The following PARVA variants were observed in gnomAD, a reference collection of about 807,000 sequenced individuals.
PARVA encodes parvin alpha.
In PARVA, 25 loss-of-function variants were observed where a neutral mutation model predicts 52.6. The ratio of observed to expected loss-of-function variants is 0.48; its 90% CI spans 0.35 to 0.66. The LOEUF is 0.66. Among genes scored for constraint, PARVA ranks in the 30% least tolerant of loss-of-function variants. The pLI is 0.01. For missense variants in PARVA, 373 were observed against 450.9 expected, an observed-to-expected ratio of 0.83 and a Z score of 1.56; for synonymous variants, 185 against 179.1, an observed-to-expected ratio of 1.03 and a Z score of -0.26.
chr11:12,516,508 G>A (rs556530315), intron 10 of PARVA, among the ~76,000 whole-genome samples: 1 of 152,150 alleles, frequency 6.6e-6, no homozygotes, highest in East Asian at 1.9e-4. Flanking sequence ...AAGACCAGCA[G>A]CCTCCGCACT....
chr11:12,506,929 C>T (rs4592400), intron 6 of PARVA, among the ~76,000 whole-genome samples: 141,237 of 152,216 alleles, frequency 0.93, 66,153 homozygotes, highest in Non-Finnish European at 0.99. Flanking sequence ...TGAGGTTTTA[C>T]GTCTATGAAT....
chr11:12,526,809 G>A (rs1291981254), intron 12 of PARVA, among the ~76,000 whole-genome samples: 2 of 151,994 alleles, frequency 1.3e-5, no homozygotes, highest in Non-Finnish European at 2.9e-5. Context: ...TCAAAGGTTG[G>A]CTTTCTAGGA....
chr11:12,443,859 G>T (rs1230988109), intron 1 of PARVA, among the ~76,000 whole-genome samples: 1 of 152,132 alleles, frequency 6.6e-6, no homozygotes, highest in African/African-American at 2.4e-5. Context: ...CAAGTTCTAG[G>T]TTGAGCCCTG....
At chr11:12,492,645 A>T (rs906630271) in intron 4 of PARVA, among the ~76,000 whole-genome samples, 2 of 152,210 alleles carry the variant, frequency 1.3e-5, no homozygotes, top group African/African-American at 4.8e-5. Flanking sequence ...AAAATGTTAG[A>T]AAATTAAAAT....
intron 1 of PARVA, among the ~76,000 whole-genome samples, chr11:12,402,581 C>T (rs1032105707): frequency 6.6e-6 from 1 of 152,118 alleles, no homozygotes; most frequent in African/African-American, 2.4e-5. Flanking sequence ...CTTTTTCTGT[C>T]TTGGTAAAGG....
intron 1 of PARVA, among the ~76,000 whole-genome samples, chr11:12,444,373 C>A (rs1022443658): frequency 6.6e-6 from 1 of 152,146 alleles, no homozygotes; most frequent in Non-Finnish European, 1.5e-5. Flanking sequence ...ACAATTAATA[C>A]TCACTAATTC....
At chr11:12,460,836 G>A (rs1379412118) in intron 1 of PARVA, among the ~76,000 whole-genome samples, 1 of 152,192 alleles carries the variant, frequency 6.6e-6, no homozygotes, top group Non-Finnish European at 1.5e-5. Context: ...GGTGATGCAT[G>A]AAGACGAAGG....
At position 12,533,892 on chromosome 11, in the gene PARVA, A is replaced by G. The variant is rs575507523; in HGVS notation, c.*5967A>G. Among the ~76,000 whole-genome samples, 61 of 151,978 alleles carry G rather than the reference A, an allele frequency of 4.0e-4. No individual in the cohort carries two copies. Among genetic ancestry groups the G allele is most frequent in the Non-Finnish European group, 6.3e-4 (43 of 67,966 alleles). On this transcript the variant is annotated 3_prime_UTR_variant, in exon 13 of 13. Transcript: ENST00000334956. ...AGGCAGAAAAAAAATCCATGGGCCG[A>G]GCACGGTGGCTCACACCTGTAATCC...
At chr11:12,439,162 C>A (rs1940427639) in intron 1 of PARVA, among the ~76,000 whole-genome samples, 1 of 152,136 alleles carries the variant, frequency 6.6e-6, no homozygotes, top group Admixed American at 6.5e-5. Context: ...AACAGTAATT[C>A]TTTTGGAGTC....
intron 1 of PARVA, among the ~76,000 whole-genome samples, chr11:12,467,865 AAGAC>A (rs1454625979): frequency 6.6e-6 from 1 of 152,152 alleles, no homozygotes; most frequent in African/African-American, 2.4e-5. Context: ...AGATGAATTC[AAGAC>A]CCTAACACTC....
At chr11:12,522,156 T>C (rs1162076401) in intron 12 of PARVA, among the ~76,000 whole-genome samples, 1 of 152,234 alleles carries the variant, frequency 6.6e-6, no homozygotes, top group Non-Finnish European at 1.5e-5. Context: ...AGAATACCCA[T>C]GATAGCATAG....
intron 1 of PARVA, among the ~76,000 whole-genome samples, chr11:12,424,329 A>T (rs1940195934): frequency 1.3e-5 from 2 of 151,374 alleles, no homozygotes; most frequent in Admixed American, 1.3e-4. Context: ...TCTTTCCTGT[A>T]TTTATTCTCT....
At chr11:12,413,352 G>A (rs925758035) in intron 1 of PARVA, among the ~76,000 whole-genome samples, 1 of 152,206 alleles carries the variant, frequency 6.6e-6, no homozygotes, top group Non-Finnish European at 1.5e-5. Flanking sequence ...TGCTCCAGGG[G>A]AAGGGAAGGG....
chr11:12,406,357 A>G (rs965162846), intron 1 of PARVA, among the ~76,000 whole-genome samples: 11 of 152,234 alleles, frequency 7.2e-5, no homozygotes, highest in African/African-American at 9.6e-5. Flanking sequence ...CTTAAAGTCA[A>G]CTGATTGTGG....
chr11:12,524,692 G>A (rs146477570), intron 12 of PARVA, among the ~76,000 whole-genome samples: 4 of 152,166 alleles, frequency 2.6e-5, no homozygotes, highest in South Asian at 4.1e-4. Context: ...TCTTGGGAGC[G>A]CGTGGCCCTC....
At chr11:12,379,308 C>T (rs112115653) in intron 1 of PARVA, among the ~76,000 whole-genome samples, 80 of 152,244 alleles carry the variant, frequency 5.3e-4, no homozygotes, top group African/African-American at 1.6e-3. Flanking sequence ...GGAATGCAGC[C>T]CAGTAGGTCT....
intron 12 of PARVA, among the ~76,000 whole-genome samples, chr11:12,519,541 G>A (rs1941611465): frequency 6.6e-6 from 1 of 152,214 alleles, no homozygotes; most frequent in East Asian, 1.9e-4. Context: ...TGTGAGGACT[G>A]AGGAGGTGAT....
intron 4 of PARVA, among the ~76,000 whole-genome samples, chr11:12,487,454 A>G (rs1589976990): frequency 6.6e-6 from 1 of 152,352 alleles, no homozygotes; most frequent in South Asian, 2.1e-4. Context: ...ACCAATAGCC[A>G]TATGCAGCTG....
chr11:12,434,837 G>A (rs1403661814), intron 1 of PARVA, among the ~76,000 whole-genome samples: 1 of 152,088 alleles, frequency 6.6e-6, no homozygotes. Flanking sequence ...AATCAACCCA[G>A]AAGGCATTTT....
Sources: gnomAD v4.1 joint callset for allele counts (sites outside exome capture counted in the v4.1 genomes callset) on GRCh38, gnomAD v4.1.1 for gene constraint, MANE v1.5 for transcripts, NCBI Gene and HGNC (gene_info 2026-07-23, HGNC 2026-07-21) for gene names.